Variants in NAE1 observed in about 807,000 individuals in gnomAD.
NAE1 encodes the protein NEDD8-activating enzyme E1 regulatory subunit.
NAE1 carries 59 observed loss-of-function variants against 88.0 expected under a neutral mutation model. The ratio of observed to expected loss-of-function variants is 0.67; its 90% confidence interval spans 0.54 to 0.83. The LOEUF (loss-of-function observed/expected upper bound fraction) is 0.83, where lower values mean the gene tolerates loss of function less well. NAE1 is among the 40% of genes least tolerant of loss of function. The probability of loss-of-function intolerance (pLI) is 0.00; values close to 1 mark genes in which losing one functional copy is unlikely to be tolerated. For missense variants in NAE1, 554 were observed against 632.8 expected (o/e 0.88, Z 1.34); for synonymous variants, 186 against 208.9 (o/e 0.89, Z 0.95).
In NAE1 at chr16:66,816,490, T is replaced by C; in HGVS notation, c.840+91A>G. On this transcript the variant is annotated intron_variant, in intron 11 of 19. Coordinates refer to ENST00000290810, the MANE Select transcript of NAE1 (RefSeq NM_003905.4). Reference sequence around the variant, plus strand: ...TTTCTAACTATACATTTAGAAAATATTAACTTAAATCATTATAGTCAACCA... The same window carrying C: ...TTTCTAACTATACATTTAGAAAATACTAACTTAAATCATTATAGTCAACCA... The C allele has an allele frequency of 1.0e-5, 10 of 957,124 alleles. No homozygotes were observed. The South Asian group carries it at 1.4e-4, about 13-fold the overall frequency. The allele number at this position is 957,124 out of a possible 1,614,324, so 59.3% of individuals were successfully genotyped here. A position where few individuals can be genotyped will look rare whatever the true frequency, so the allele number is the denominator to read the frequency against.
intron 17 of NAE1, 132 bp downstream of exon 17, chr16:66,808,389 G>C: frequency 1.6e-6 from 1 of 643,994 alleles, no homozygotes; most frequent in Non-Finnish European, 2.6e-6. Flanking sequence ...CTTCACTGGG[G>C]AACGTTTGGG....
chr16:66,805,730 A>G, intron 19 of NAE1, 47 bp downstream of exon 19: 1 of 1,350,120 alleles, frequency 7.4e-7, no homozygotes, highest in Non-Finnish European at 9.7e-7. Context: ...TAAAATAGTA[A>G]CTGTACTATG....
intron 3 of NAE1, 139 bp downstream of exon 3, chr16:66,826,384 T>C: frequency 1.3e-6 from 1 of 747,594 alleles, no homozygotes; most frequent in Non-Finnish European, 2.2e-6. Flanking sequence ...TTTACCTATA[T>C]TATCTCACTT....
chr16:66,816,858 C>CATG, intron 10 of NAE1, 107 bp downstream of exon 10: 1 of 1,500,880 alleles, frequency 6.7e-7, no homozygotes, highest in Non-Finnish European at 8.9e-7. Context: ...AATAAAAGCT[C>CATG]ATGATGCTAT....
intron 11 of NAE1, among the ~76,000 whole-genome samples, chr16:66,815,118 A>G (rs938791186): frequency 3.3e-5 from 5 of 151,882 alleles, no homozygotes; most frequent in Admixed American, 1.3e-4. Flanking sequence ...ATGCTCTCTG[A>G]CCCTTTGTTC....
rs748488879 is a variant in NAE1 at position 66,808,533 on chromosome 16, C to G, written c.1318G>C (p.Gly440Arg). Residue 440 changes from glycine to arginine, a missense_variant, in exon 17 of 20, where the codon GGT (glycine) becomes CGT (arginine). Transcript: ENST00000290810. ...TTGCTATTCTTACCTGGATATCTAC[C>G]CTGTTGTTTATGAAATCTATCAACA... ...RAVDRFHKQQGRYPGVSNYQV... is the reference protein window; with the variant it reads ...RAVDRFHKQQRRYPGVSNYQV... The G allele has an allele frequency of 3.2e-6, 5 of 1,573,976 alleles. No homozygotes were observed. The highest frequency in any genetic ancestry group is 1.7e-5 in the Admixed American group (1 of 58,618).
At chr16:66,826,396 C>T in intron 3 of NAE1, 127 bp downstream of exon 3, 3 of 851,906 alleles carry the variant, frequency 3.5e-6, no homozygotes, top group East Asian at 2.6e-5. Context: ...ATCTCACTTC[C>T]TCACCATAAT....
intron 11 of NAE1, among the ~76,000 whole-genome samples, chr16:66,815,662 CT>C (rs80325903): frequency 4.6e-3 from 634 of 139,134 alleles, no homozygotes; most frequent in Middle Eastern, 0.011. Flanking sequence ...CCAGCAAACA[CT>C]TTTTTTTTTT....
At position 66,829,923 on chromosome 16, in the gene NAE1, T is replaced by C. The variant is rs536439499; in HGVS notation, c.53+924A>G. On this transcript the variant is annotated intron_variant, in intron 1 of 19. Transcript: ENST00000290810. The stretch of plus-strand genomic sequence containing the variant: ...GCTTTTTTGACGGAGTCTCGCTCTG[T>C]CACCCAGGCTGGAGTGCAGTGGCAC... 5.3e-5 allele frequency among the ~76,000 whole-genome samples: 8 copies of C among 152,322 alleles called. No individual in the cohort carries two copies. The South Asian group carries it at 1.7e-3, about 32-fold the overall frequency.
At chr16:66,823,076 C>CAAAAAA (rs776599321) in intron 6 of NAE1, 151 bp downstream of exon 6, 2 of 151,720 alleles carry the variant, frequency 1.3e-5, no homozygotes, top group Admixed American at 1.3e-4. Flanking sequence ...AGCTCAAGCT[C>CAAAAAA]AAAAAAAAAA....
intron 1 of NAE1, 107 bp from the exon 2 acceptor site, chr16:66,826,887 C>T (rs1176436395): frequency 1.0e-6 from 1 of 970,216 alleles, no homozygotes. Flanking sequence ...GATATGATAA[C>T]CACAGAATAC....
chr16:66,821,516 G>A lies in NAE1; in HGVS notation c.445C>T (p.Pro149Ser). 1 of 1,601,928 alleles carries A rather than the reference G, an allele frequency of 6.2e-7. No homozygotes were observed. Among genetic ancestry groups the A allele is most frequent in the South Asian group, 1.1e-5 (1 of 87,864 alleles). Reference sequence around the variant, plus strand: ...CCATATGTCCTACAGATCAAAAGAGGAATCTGGGAATTCCAGAGGACATCT... The same window carrying A: ...CCATATGTCCTACAGATCAAAAGAGAAATCTGGGAATTCCAGAGGACATCT... ...LADVLWNSQIPLLICRTYGLV... is the reference protein window; with the variant it reads ...LADVLWNSQISLLICRTYGLV... Residue 149 changes from proline to serine, a missense_variant, in exon 7 of 20, where the codon CCT (proline) becomes TCT (serine). By Grantham distance (74) the Pro-to-Ser change is moderately conservative. Transcript: ENST00000290810.
intron 3 of NAE1, among the ~76,000 whole-genome samples, chr16:66,825,371 T>C (rs764811640): frequency 4.1e-5 from 6 of 147,740 alleles, no homozygotes; most frequent in Non-Finnish European, 5.9e-5. Flanking sequence ...GGCGTGAACC[T>C]GGGAGGCAGA....
chr16:66,826,436 G>A, intron 3 of NAE1, 87 bp downstream of exon 3: 1 of 1,241,692 alleles, frequency 8.1e-7, no homozygotes. Flanking sequence ...TCCACTGAGA[G>A]TCGAGTCACC....
chr16:66,829,817 G>A (rs1960620661), intron 1 of NAE1, among the ~76,000 whole-genome samples: 1 of 152,240 alleles, frequency 6.6e-6, no homozygotes, highest in Non-Finnish European at 1.5e-5. Flanking sequence ...ATGTACTACT[G>A]AGCACAAGCA....
intron 13 of NAE1, chr16:66,813,308 A>G (rs957579013): frequency 5.2e-6 from 2 of 386,112 alleles, no homozygotes; most frequent in Non-Finnish European, 9.3e-6. Context: ...ATGCCCACCT[A>G]ATTTTTCAAT....
intron 11 of NAE1, 102 bp from the exon 12 acceptor site, chr16:66,813,948 T>A: frequency 9.1e-7 from 1 of 1,094,512 alleles, no homozygotes; most frequent in Non-Finnish European, 1.3e-6. Context: ...ATTCTCAAAT[T>A]GTAATCAAAT....
At chr16:66,815,837 A>G (rs1004041049) in intron 11 of NAE1, among the ~76,000 whole-genome samples, 1 of 149,840 alleles carries the variant, frequency 6.7e-6, no homozygotes, top group African/African-American at 2.5e-5. Flanking sequence ...AATTTTTTGT[A>G]TTTTTAATAG....
chr16:66,824,000 G>A lies in NAE1; in HGVS notation c.250-400C>T, dbSNP rs960160702. On this transcript the variant is annotated intron_variant, in intron 4 of 19. Transcript: ENST00000290810. Reference sequence around the variant, plus strand: ...AATCCTCCTGCCTTGACCTCCCAAAGTGCTGAGATTACAGGCGTGAGCCAC... The same window carrying A: ...AATCCTCCTGCCTTGACCTCCCAAAATGCTGAGATTACAGGCGTGAGCCAC... Among the ~76,000 whole-genome samples the A allele has an allele frequency of 8.5e-5, 13 of 152,188 alleles. 1 individual carries two copies. In the East Asian group the frequency reaches 1.9e-3, roughly 23 times the overall value.
Sources: allele counts gnomAD v4.1 joint callset (sites outside exome capture counted in the v4.1 genomes callset), GRCh38; gene constraint gnomAD v4.1.1; transcripts MANE v1.5; gene names NCBI Gene and HGNC (gene_info 2026-07-23, HGNC 2026-07-21).